MFHAS1: variants seen among roughly 807,000 people sequenced by gnomAD.
MFHAS1 encodes the protein multifunctional ROCO family signaling regulator 1.
A neutral mutation model predicts 70.4 loss-of-function variants in MFHAS1; 50 were observed. The ratio of observed to expected loss-of-function variants is 0.71; its 90% CI spans 0.57 to 0.90. MFHAS1 has a LOEUF of 0.90. Ranked by LOEUF, MFHAS1 falls within the 40% of genes least tolerant of loss-of-function variation. The pLI, the probability that MFHAS1 is intolerant of heterozygous loss-of-function variation, is 0.00. For synonymous variants in MFHAS1, 952 were observed against 620.0 expected, an observed-to-expected ratio of 1.54 and a Z score of -7.96; for missense variants, 1,795 against 1,347.6, an observed-to-expected ratio of 1.33 and a Z score of -5.20.
intron 2 of MFHAS1, among the ~76,000 whole-genome samples, chr8:8,796,134 G>A (rs1348636155): frequency 6.6e-6 from 1 of 152,152 alleles, no homozygotes; most frequent in Non-Finnish European, 1.5e-5. Flanking sequence ...CAAACCAACA[G>A]GATGAGTGTT....
intron 1 of MFHAS1, among the ~76,000 whole-genome samples, chr8:8,861,803 C>A (rs1288792671): frequency 6.6e-6 from 1 of 152,180 alleles, no homozygotes; most frequent in Non-Finnish European, 1.5e-5. Context: ...TCTAGAACTT[C>A]ATATAAATGG....
At chr8:8,840,507 A>T (rs528997795) in intron 1 of MFHAS1, among the ~76,000 whole-genome samples, 1 of 151,836 alleles carries the variant, frequency 6.6e-6, no homozygotes, top group East Asian at 1.9e-4. Context: ...CATCTGGAAC[A>T]TCTTGTTCAA....
At chr8:8,806,402 G>A (rs1033168118) in intron 1 of MFHAS1, among the ~76,000 whole-genome samples, 2 of 152,208 alleles carry the variant, frequency 1.3e-5, no homozygotes, top group East Asian at 1.9e-4. Context: ...CCTGGCTTAC[G>A]TGGCATGCAT....
chr8:8,804,189 G>A (rs926478376), intron 1 of MFHAS1, among the ~76,000 whole-genome samples: 2 of 152,084 alleles, frequency 1.3e-5, no homozygotes, highest in South Asian at 2.1e-4. Context: ...TGGTTCCAAC[G>A]ACAGCTACAA....
chr8:8,876,871 T>G (rs998928483), intron 1 of MFHAS1, among the ~76,000 whole-genome samples: 2 of 151,628 alleles, frequency 1.3e-5, no homozygotes, highest in Non-Finnish European at 2.9e-5. Context: ...GAGGCAGAGG[T>G]TGCAGTGAGC....
chr8:8,869,426 C>G (rs972816435), intron 1 of MFHAS1, among the ~76,000 whole-genome samples: 1 of 152,118 alleles, frequency 6.6e-6, no homozygotes, highest in African/African-American at 2.4e-5. Context: ...CATCATTTAT[C>G]TTTGCGGTAT....
chr8:8,822,573 G>A (rs11779585), intron 1 of MFHAS1, among the ~76,000 whole-genome samples: 113,475 of 142,956 alleles, frequency 0.79, 45,227 homozygotes, highest in East Asian at 0.91. Context: ...GGGGCCTGAG[G>A]TGAGGACAGG....
At chr8:8,837,415 G>T (rs530701564) in intron 1 of MFHAS1, among the ~76,000 whole-genome samples, 1 of 152,168 alleles carries the variant, frequency 6.6e-6, no homozygotes, top group African/African-American at 2.4e-5. Context: ...CAAGGCGGGC[G>T]GATCACTTGA....
intron 2 of MFHAS1, among the ~76,000 whole-genome samples, chr8:8,796,690 A>AC: frequency 8.7e-6 from 1 of 115,450 alleles, no homozygotes; most frequent in Non-Finnish European, 1.8e-5. Flanking sequence ...TCTCAAAACA[A>AC]AAAAAAAAAA....
At chr8:8,868,190 A>G (rs184673944) in intron 1 of MFHAS1, among the ~76,000 whole-genome samples, 32 of 152,178 alleles carry the variant, frequency 2.1e-4, no homozygotes, top group Admixed American at 2.1e-3. Flanking sequence ...AGGCCTCTGG[A>G]AACTCCTGCT....
At position 8,890,897 on chromosome 8, in the gene MFHAS1, G is replaced by C. The variant is rs1260320861; in HGVS notation, c.2162C>G (p.Ala721Gly). 1 of 1,613,996 alleles carries C rather than the reference G, an allele frequency of 6.2e-7. No homozygotes were observed. Residue 721 changes from alanine to glycine, a missense_variant, in exon 1 of 3, where the codon GCT becomes GGT. Ala to Gly is a moderately conservative substitution (Grantham distance 60, BLOSUM62 0). Coordinates refer to ENST00000276282, the MANE Select transcript of MFHAS1 (RefSeq NM_004225.3). The stretch of plus-strand genomic sequence containing the variant: ...GTTGTGGAAGACGTGCTCCTTGAGA[G>C]CCGGACTGTCCTCAAAGTAGAGTAG... The part of the protein sequence containing the change: ...GKLLYFEDSP[A>G]LKEHVFHNLT...
At chr8:8,804,786 G>C (rs954027845) in intron 1 of MFHAS1, among the ~76,000 whole-genome samples, 1 of 152,212 alleles carries the variant, frequency 6.6e-6, no homozygotes, top group South Asian at 2.1e-4. Flanking sequence ...AGCCGTGCCA[G>C]GCCCACACAC....
chr8:8,803,777 G>T (rs1252839489), intron 1 of MFHAS1, among the ~76,000 whole-genome samples: 1 of 152,104 alleles, frequency 6.6e-6, no homozygotes, highest in African/African-American at 2.4e-5. Context: ...TTAGAGACCA[G>T]CCTGGCCAAC....
At chr8:8,880,375 T>C (rs1406225371) in intron 1 of MFHAS1, among the ~76,000 whole-genome samples, 1 of 152,148 alleles carries the variant, frequency 6.6e-6, no homozygotes, top group Non-Finnish European at 1.5e-5. Context: ...AGGGAATAGT[T>C]TACTTTAAAA....
In MFHAS1 at chr8:8,891,794, T is replaced by G; in HGVS notation, c.1265A>C (p.Lys422Thr). The G allele has an allele frequency of 6.2e-7, 1 of 1,613,340 alleles. No individual in the cohort carries two copies. The highest frequency in any genetic ancestry group is 8.5e-7 in the Non-Finnish European group (1 of 1,180,008). ...LLLMGHKAAGKTLLRHCLTEE... is the reference protein window; with the variant it reads ...LLLMGHKAAGTTLLRHCLTEE... ...GGTGAGGCAGTGGCGCAGCAAAGTC[T>G]TTCCTGCAGCCTTATGCCCCATCAG... The change falls in exon 1 of 3, where the codon AAG becomes ACG. Residue 422 changes from lysine (K) to threonine (T), a missense_variant. Lys to Thr is a moderately conservative substitution (Grantham distance 78). Coordinates refer to ENST00000276282, the MANE Select transcript of MFHAS1 (RefSeq NM_004225.3). This position sits in a 1 kb window ranked among gnomAD's most constrained non-coding sequence, Gnocchi z 5.4.
At chr8:8,854,871 A>G (rs1329558163) in intron 1 of MFHAS1, among the ~76,000 whole-genome samples, 1 of 152,010 alleles carries the variant, frequency 6.6e-6, no homozygotes, top group Non-Finnish European at 1.5e-5. Context: ...TTAACTGGCT[A>G]TCCTGTTTTT....
rs776643038 is a variant in MFHAS1, at chr8:8,891,668, G to C, written c.1391C>G (p.Thr464Arg). The stretch of plus-strand genomic sequence containing the variant: ...CCGCAGGCCCCGGGAGGCATCGGCC[G>C]TCCAGCTGGTCACCTCGATGCCCTT... Reference protein sequence around the residue: ...VSKGIEVTSWTADASRGLRFI... With the variant: ...VSKGIEVTSWRADASRGLRFI... Residue 464 changes from threonine (T) to arginine (R), a missense_variant, in exon 1 of 3, where the codon ACG (threonine) becomes AGG (arginine). Physicochemically the swap from Thr to Arg is moderately conservative, Grantham distance 71 (BLOSUM62 -1). Coordinates refer to ENST00000276282, the MANE Select transcript of MFHAS1 (RefSeq NM_004225.3). The surrounding 1 kb of genome is among the most constrained non-coding windows in gnomAD (Gnocchi z 5.4). 2.5e-6 allele frequency: 4 copies of C among 1,613,560 alleles called. No homozygotes were observed. The highest frequency in any genetic ancestry group is 3.3e-5 in the Admixed American group (2 of 60,032).
intron 2 of MFHAS1, 103 bp downstream of exon 2, chr8:8,797,262 C>T: frequency 7.3e-7 from 1 of 1,364,324 alleles, no homozygotes; most frequent in Non-Finnish European, 1.0e-6. Context: ...GAGGACTTTG[C>T]AAGGTTTGTG....
chr8:8,871,681 G>C (rs1311618756), intron 1 of MFHAS1, among the ~76,000 whole-genome samples: 1 of 152,190 alleles, frequency 6.6e-6, no homozygotes. Context: ...ATTTACAGAC[G>C]AAATTGAGGC....
Sources: gnomAD v4.1 joint callset for allele counts (sites outside exome capture counted in the v4.1 genomes callset) on GRCh38, gnomAD v4.1.1 for gene constraint, Gnocchi (gnomAD v3.1) non-coding constraint, MANE v1.5 for transcripts, NCBI Gene and HGNC (gene_info 2026-07-23, HGNC 2026-07-21) for gene names.